PCDHA13: variants seen among roughly 807,000 people sequenced by gnomAD.
PCDHA13 encodes protocadherin alpha-13.
A neutral mutation model predicts 64.8 loss-of-function variants in PCDHA13; 54 were observed. That is an observed-to-expected ratio of 0.83 (90% CI 0.67 to 1.04). The LOEUF is 1.04. Among genes scored for constraint, PCDHA13 ranks in the 50% least tolerant of loss-of-function variants. The probability of loss-of-function intolerance (pLI) is 0.00; values close to 1 mark genes in which losing one functional copy is unlikely to be tolerated. For synonymous variants in PCDHA13, 587 were observed against 564.4 expected, an observed-to-expected ratio of 1.04 and a Z score of -0.57; for missense variants, 1,248 against 1,254.3, an observed-to-expected ratio of 0.99 and a Z score of 0.08.
At chr5:140,952,257 C>T (rs1224282193) in intron 1 of PCDHA13, among the ~76,000 whole-genome samples, 1 of 151,342 alleles carries the variant, frequency 6.6e-6, no homozygotes, top group Non-Finnish European at 1.5e-5. Flanking sequence ...GGTGGATTCC[C>T]ATTCTGGGGT....
intron 1 of PCDHA13, among the ~76,000 whole-genome samples, chr5:140,966,049 A>AC (rs2095962296): frequency 6.6e-6 from 1 of 152,102 alleles, no homozygotes; most frequent in African/African-American, 2.4e-5. Context: ...ATCGCCAGTA[A>AC]CCCCAGAGCG....
chr5:140,883,003 C>T lies in PCDHA13; in HGVS notation c.735C>T (p.Ser245=). The T allele has an allele frequency of 6.2e-7, 1 of 1,614,050 alleles. No homozygotes were observed. The highest frequency in any genetic ancestry group is 2.2e-5 in the East Asian group (1 of 44,872). The part of the protein sequence containing the change: ...VNDNAPEFYQ[S]VYKVTVLENA... ...ACAACGCCCCGGAATTTTACCAATC[C>T]GTTTATAAAGTGACGGTGTTAGAGA... The change falls in exon 1 of 4, where the codon TCC becomes TCT. Residue 245 remains serine (S), a synonymous_variant. Transcript: ENST00000289272.
intron 3 of PCDHA13, among the ~76,000 whole-genome samples, chr5:141,007,395 C>CAA (rs35800918): frequency 2.8e-4 from 27 of 94,848 alleles, no homozygotes; most frequent in South Asian, 7.0e-4. Context: ...TACTAAAATA[C>CAA]AAAAAAAAAA....
chr5:140,929,064 T>A (rs550251743), intron 1 of PCDHA13: 1 of 1,614,162 alleles, frequency 6.2e-7, no homozygotes, highest in South Asian at 1.1e-5. Context: ...CTACAGAGGA[T>A]CTGAGGTATG....
intron 1 of PCDHA13, among the ~76,000 whole-genome samples, chr5:140,957,228 T>C (rs1189952927): frequency 6.6e-6 from 1 of 152,148 alleles, no homozygotes; most frequent in Non-Finnish European, 1.5e-5. Flanking sequence ...TGGCGAAGCA[T>C]TTTGGCATGT....
chr5:140,893,636 G>A (rs2064097174), intron 1 of PCDHA13, among the ~76,000 whole-genome samples: 1 of 152,170 alleles, frequency 6.6e-6, no homozygotes, highest in Non-Finnish European at 1.5e-5. Flanking sequence ...GCTTGGTATA[G>A]TATTTTTGGC....
intron 1 of PCDHA13, chr5:140,927,637 G>C (rs1554204838): frequency 6.2e-7 from 1 of 1,614,176 alleles, no homozygotes; most frequent in Non-Finnish European, 8.5e-7. Flanking sequence ...TGCACCCAAT[G>C]GGACTGTGTT....
At chr5:140,908,078 A>G (rs1047293736) in intron 1 of PCDHA13, among the ~76,000 whole-genome samples, 2 of 152,202 alleles carry the variant, frequency 1.3e-5, no homozygotes, top group Admixed American at 6.5e-5. Context: ...AAAGTGCACA[A>G]CCAGGTGCAC....
chr5:140,963,829 A>G (rs1460358277), intron 1 of PCDHA13, among the ~76,000 whole-genome samples: 1 of 152,180 alleles, frequency 6.6e-6, no homozygotes, highest in African/African-American at 2.4e-5. Context: ...CTTTACATAC[A>G]TTTTCTCATG....
intron 1 of PCDHA13, among the ~76,000 whole-genome samples, chr5:140,918,383 C>A (rs1227959801): frequency 4.6e-5 from 7 of 152,124 alleles, no homozygotes. Flanking sequence ...CCTTTTATTT[C>A]TTTCTCTTGC....
intron 3 of PCDHA13, among the ~76,000 whole-genome samples, chr5:141,005,407 T>C (rs2098211600): frequency 1.3e-5 from 2 of 151,168 alleles, no homozygotes; most frequent in Admixed American, 1.3e-4. Context: ...ACTTGAAGAG[T>C]GAGGAGTCAT....
intron 1 of PCDHA13, among the ~76,000 whole-genome samples, chr5:140,888,737 A>G (rs1468383652): frequency 6.6e-6 from 1 of 152,036 alleles, no homozygotes; most frequent in Non-Finnish European, 1.5e-5. Flanking sequence ...TGTGAGCTCT[A>G]GGAATTATTC....
chr5:140,897,435 A>G (rs1382805623), intron 1 of PCDHA13, among the ~76,000 whole-genome samples: 1 of 147,702 alleles, frequency 6.8e-6, no homozygotes, highest in Non-Finnish European at 1.5e-5. Flanking sequence ...GAGAACATGC[A>G]GTGTTTGGTT....
At chr5:140,951,311 T>G (rs1240303466) in intron 1 of PCDHA13, among the ~76,000 whole-genome samples, 4 of 152,224 alleles carry the variant, frequency 2.6e-5, no homozygotes, top group African/African-American at 9.6e-5. Context: ...ATTAATGTGT[T>G]ATTCTTGAGA....
Position 140,884,518 on chromosome 5 carries a change from C to G in PCDHA13, c.2250C>G (p.Tyr750Ter). Reference sequence around the variant, plus strand: ...CCAGCGCGGCAGGGAGTTGGTCGTACTCGCAGCAGAGGCGGCCGAGGGTGT... The same window carrying G: ...CCAGCGCGGCAGGGAGTTGGTCGTAGTCGCAGCAGAGGCGGCCGAGGGTGT... ...VCSSAAGSWS[Y>*]SQQRRPRVCS... The change falls in exon 1 of 4, where the codon TAC (tyrosine) becomes TAG (stop). Residue 750 changes from tyrosine to a stop codon, truncating the protein, a stop_gained. Coordinates refer to ENST00000289272, the MANE Select transcript of PCDHA13 (RefSeq NM_018904.3). LOFTEE classifies it high-confidence loss of function. 2 of 1,614,054 alleles carry G rather than the reference C, an allele frequency of 1.2e-6. No individual in the cohort carries two copies. The highest frequency in any genetic ancestry group is 1.7e-6 in the Non-Finnish European group (2 of 1,179,980).
At position 140,882,822 on chromosome 5, in the gene PCDHA13, G is replaced by A. The variant is rs782258212; in HGVS notation, c.554G>A (p.Ser185Asn). Residue 185 changes from serine to asparagine, a missense_variant, in exon 1 of 4, where the codon AGT (serine) becomes AAT (asparagine). By Grantham distance (46) the Ser-to-Asn change is conservative. Transcript: ENST00000289272. ...NDYFTLDAQNSLEQMSSLSLV... is the reference protein window; with the variant it reads ...NDYFTLDAQNNLEQMSSLSLV... Reference sequence around the variant, plus strand: ...TATTTCACTTTGGACGCACAAAACAGTCTTGAGCAAATGTCTTCATTATCA... The same window carrying A: ...TATTTCACTTTGGACGCACAAAACAATCTTGAGCAAATGTCTTCATTATCA... 6.2e-7 allele frequency: 1 copy of A among 1,614,080 alleles called. No individual in the cohort carries two copies. Among genetic ancestry groups the A allele is most frequent in the African/African-American group, 1.3e-5 (1 of 74,914 alleles).
chr5:140,924,318 G>C (rs550515387), intron 1 of PCDHA13, among the ~76,000 whole-genome samples: 71 of 152,282 alleles, frequency 4.7e-4, no homozygotes, highest in African/African-American at 1.3e-3. Context: ...AATTTTATCT[G>C]AGACTTGGTG....
chr5:140,957,852 A>AT (rs5871756), intron 1 of PCDHA13, among the ~76,000 whole-genome samples: 44,688 of 151,688 alleles, frequency 0.29, 7,154 homozygotes, highest in East Asian at 0.53. Context: ...GAGTTTGTGT[A>AT]TTTTTTTTCC....
intron 1 of PCDHA13, among the ~76,000 whole-genome samples, chr5:140,905,536 T>A (rs1562950103): frequency 6.6e-6 from 1 of 152,286 alleles, no homozygotes; most frequent in East Asian, 1.9e-4. Flanking sequence ...TGGTTCCATA[T>A]GAACTTTAGG....
Sources: allele counts gnomAD v4.1 joint callset (sites outside exome capture counted in the v4.1 genomes callset), GRCh38; gene constraint gnomAD v4.1.1; transcripts MANE v1.5; gene names NCBI Gene and HGNC (gene_info 2026-07-23, HGNC 2026-07-21).